RUFY2: variants seen among roughly 807,000 people sequenced by gnomAD.
RUFY2 encodes the protein RUN and FYVE domain-containing protein 2.
RUFY2 carries 49 observed loss-of-function variants against 94.4 expected under a neutral mutation model. That is an observed-to-expected ratio of 0.52 (90% confidence interval 0.41 to 0.66). RUFY2 has a LOEUF of 0.66. Among genes scored for constraint, RUFY2 ranks in the 30% least tolerant of loss-of-function variants. The pLI is 0.00. For synonymous variants in RUFY2, 255 were observed against 235.7 expected, an observed-to-expected ratio of 1.08 and a Z score of -0.75; for missense variants, 541 against 692.8, an observed-to-expected ratio of 0.78 and a Z score of 2.46.
chr10:68,405,109 T>C (rs1299663605), intron 1 of RUFY2, among the ~76,000 whole-genome samples: 1 of 152,002 alleles, frequency 6.6e-6, no homozygotes, highest in Non-Finnish European at 1.5e-5. Flanking sequence ...GGTCAAGAGA[T>C]TGAGACCATC....
chr10:68,356,129 A>C (rs2047040873), intron 15 of RUFY2, among the ~76,000 whole-genome samples: 1 of 152,198 alleles, frequency 6.6e-6, no homozygotes, highest in East Asian at 1.9e-4. Context: ...CTAGGATTCA[A>C]ACCCTTGTCT....
chr10:68,377,401 C>A, intron 12 of RUFY2: 1 of 1,004,104 alleles, frequency 1.0e-6, no homozygotes. Context: ...GATGTGTATG[C>A]CAGGAATCAA....
At chr10:68,349,149 G>C (rs2046482171) in intron 16 of RUFY2, among the ~76,000 whole-genome samples, 2 of 152,104 alleles carry the variant, frequency 1.3e-5, no homozygotes, top group Admixed American at 1.3e-4. Flanking sequence ...ACACACACAA[G>C]GTTTCCGATA....
Position 68,351,122 on chromosome 10 carries a change from A to ATTT in RUFY2, c.1599+4228_1599+4230dup, listed in dbSNP as rs71009048. Among the ~76,000 whole-genome samples the ATTT allele has an allele frequency of 2.2e-4, 17 of 79,042 alleles. 1 individual carries two copies. The highest frequency in any genetic ancestry group is 2.7e-4 in the African/African-American group (5 of 18,666). The allele number at this position is 79,042 out of a possible 152,430, so 51.9% of individuals were successfully genotyped here. A position where few individuals can be genotyped will look rare whatever the true frequency, so the allele number is the denominator to read the frequency against. On this transcript the variant is annotated intron_variant, in intron 16 of 17. Transcript: ENST00000602465. ...TTGGCAAATATCCATGTATCCATACATTTTTTTTTTTTTTTTTTTTTTTTT... is the reference window on the plus strand; with the variant it reads ...TTGGCAAATATCCATGTATCCATACATTTTTTTTTTTTTTTTTTTTTTTTTTTT...
chr10:68,363,218 A>T (rs1169483931), intron 15 of RUFY2, among the ~76,000 whole-genome samples: 1 of 152,080 alleles, frequency 6.6e-6, no homozygotes, highest in African/African-American at 2.4e-5. Context: ...TCTGAGACAG[A>T]GTCTTGCTTT....
In RUFY2 at chr10:68,364,098, A is replaced by G. The variant is rs769794010; in HGVS notation, c.1341T>C (p.Thr447=). The change falls in exon 14 of 18, where the codon ACT becomes ACC. Residue 447 remains threonine (T), a synonymous_variant. Transcript: ENST00000602465. ...QKEKQLVQLE[T]DLKIEKEWRQ... ...TCCATTCCTTCTCAATCTTCAAGTC[A>G]GTTTCCAGTTGCACCCTTGAATGAC... 7.4e-6 allele frequency: 12 copies of G among 1,612,392 alleles called. No individual in the cohort carries two copies.
In RUFY2 at chr10:68,394,314, T is replaced by A; in HGVS notation, c.522+14A>T. The A allele has an allele frequency of 6.2e-7, 1 of 1,613,864 alleles. No individual in the cohort carries two copies. Among genetic ancestry groups the A allele is most frequent in the South Asian group, 1.1e-5 (1 of 91,054 alleles). On this transcript the variant is annotated intron_variant, in intron 5 of 17. Transcript: ENST00000602465. ...GAAAACACTCTGCATTTGGCACTAG[T>A]CACTTTCACTTACTTGTGAGTCTAA...
downstream of RUFY2, chr10:68,341,266 T>A: frequency 1.9e-6 from 3 of 1,606,690 alleles, no homozygotes; most frequent in Non-Finnish European, 2.5e-6. Context: ...TTGTGACACA[T>A]GAAGATGCAG....
intron 12 of RUFY2, chr10:68,378,643 C>T: frequency 6.2e-7 from 1 of 1,612,398 alleles, no homozygotes; most frequent in Non-Finnish European, 8.5e-7. Context: ...TTGCAATTGT[C>T]CTAGTTTGAG....
At chr10:68,359,656 A>AAT (rs1459833060) in intron 15 of RUFY2, among the ~76,000 whole-genome samples, 3 of 148,068 alleles carry the variant, frequency 2.0e-5, no homozygotes, top group Non-Finnish European at 4.5e-5. Context: ...TATATATAAA[A>AAT]ATATATATAG....
chr10:68,369,345 T>C (rs1231845629), intron 13 of RUFY2, among the ~76,000 whole-genome samples: 1 of 150,866 alleles, frequency 6.6e-6, no homozygotes. Context: ...TTTAGCCAGG[T>C]GTGGTGGTGT....
chr10:68,378,546 T>C (rs1382234864), intron 12 of RUFY2: 12 of 1,563,244 alleles, frequency 7.7e-6, no homozygotes, highest in Non-Finnish European at 9.5e-6. Flanking sequence ...TTAGTCTGTT[T>C]AAATACAAGT....
intron 15 of RUFY2, among the ~76,000 whole-genome samples, chr10:68,358,638 C>T (rs1315659246): frequency 1.3e-5 from 2 of 152,210 alleles, no homozygotes; most frequent in Non-Finnish European, 2.9e-5. Context: ...TGGCTGGGCA[C>T]AGTGGCTCAC....
chr10:68,359,714 C>A (rs1398735880), intron 15 of RUFY2, among the ~76,000 whole-genome samples: 1 of 149,218 alleles, frequency 6.7e-6, no homozygotes, highest in Non-Finnish European at 1.5e-5. Flanking sequence ...ATTGCTTGAA[C>A]CTGGGAGGTG....
At chr10:68,392,237 T>C (rs189094939) in intron 7 of RUFY2, among the ~76,000 whole-genome samples, 162 of 152,124 alleles carry the variant, frequency 1.1e-3, no homozygotes, top group Middle Eastern at 3.4e-3. Context: ...TTCACCATAC[T>C]GGGCAGGCTG....
intron 16 of RUFY2, among the ~76,000 whole-genome samples, chr10:68,354,235 A>T (rs1232987103): frequency 6.6e-6 from 1 of 152,106 alleles, no homozygotes; most frequent in Non-Finnish European, 1.5e-5. Flanking sequence ...TGCAGTAAGT[A>T]GCATGATCAA....
chr10:68,386,181 C>A, intron 7 of RUFY2, 53 bp from the exon 8 acceptor site: 6 of 1,444,060 alleles, frequency 4.2e-6, no homozygotes, highest in Middle Eastern at 1.8e-4. Flanking sequence ...CTCAAAAAGG[C>A]ACGAAAAAAT....
chr10:68,403,083 T>A (rs1480385149), intron 2 of RUFY2, among the ~76,000 whole-genome samples: 1 of 150,948 alleles, frequency 6.6e-6, no homozygotes, highest in Non-Finnish European at 1.5e-5. Flanking sequence ...TGACCTCAAG[T>A]GATCCGTCAG....
At chr10:68,341,795 G>C (rs771942795), downstream of RUFY2, 32 of 1,610,152 alleles carry the variant, frequency 2.0e-5, no homozygotes, top group Admixed American at 8.5e-5. Flanking sequence ...GGAAGAATGG[G>C]AATGGGGAAC....
Sources: gnomAD v4.1 joint callset for allele counts (sites outside exome capture counted in the v4.1 genomes callset) on GRCh38, gnomAD v4.1.1 for gene constraint, MANE v1.5 for transcripts, NCBI Gene and HGNC (gene_info 2026-07-23, HGNC 2026-07-21) for gene names.